Variants in SV2B observed in about 807,000 individuals in gnomAD.
The protein encoded by SV2B is solute carrier family 22 member B2.
A neutral mutation model predicts 73.9 loss-of-function variants in SV2B; 41 were observed. That is an observed-to-expected ratio of 0.56 (90% CI 0.43 to 0.72). SV2B has a LOEUF of 0.72. SV2B is among the 30% of genes least tolerant of loss of function. The probability of loss-of-function intolerance (pLI) is 0.00; values close to 1 mark genes in which losing one functional copy is unlikely to be tolerated. For synonymous variants in SV2B, 314 were observed against 314.2 expected, an observed-to-expected ratio of 1.00 and a Z score of 0.01; for missense variants, 764 against 857.8, an observed-to-expected ratio of 0.89 and a Z score of 1.37.
Position 91,284,112 on chromosome 15 carries a change from T to C in SV2B, c.1599T>C (p.Asp533=), listed in dbSNP as rs757832772. Residue 533 remains aspartate (D), a synonymous_variant, in exon 11 of 13, where the codon GAT becomes GAC. Coordinates refer to ENST00000394232, the MANE Select transcript of SV2B (RefSeq NM_001323032.3). This position sits in a 1 kb window ranked among gnomAD's most constrained non-coding sequence, Gnocchi z 4.5. ...KEGCHMDLEQ[D]NDFLIYLVSF... ...GCTGCCACATGGACTTGGAGCAAGA[T>C]AATGACTTCCTGATTTACCTCGTCA... 5 of 1,614,208 alleles carry C rather than the reference T, an allele frequency of 3.1e-6. No individual in the cohort carries two copies. Among genetic ancestry groups the C allele is most frequent in the South Asian group, 1.1e-5 (1 of 91,084 alleles).
intron 6 of SV2B, among the ~76,000 whole-genome samples, chr15:91,263,214 A>G (rs2047977231): frequency 1.5e-5 from 2 of 133,304 alleles, no homozygotes; most frequent in Admixed American, 6.9e-5. Context: ...ATGGACACAC[A>G]TGAACACAGA....
rs111298342 is a variant in SV2B at position 91,281,098 on chromosome 15, T to C, written c.1374-630T>C. On this transcript the variant is annotated intron_variant, in intron 9 of 12. Coordinates refer to ENST00000394232, the MANE Select transcript of SV2B (RefSeq NM_001323032.3). This position sits in a 1 kb window ranked among gnomAD's most constrained non-coding sequence, Gnocchi z 4.7. The stretch of plus-strand genomic sequence containing the variant: ...TAATCCATTGTTGTTACAAGCAGTG[T>C]TACAATGAAGATCAGTGAATGTATC... Among the ~76,000 whole-genome samples the C allele has an allele frequency of 1.5e-3, 225 of 152,368 alleles. 3 individuals carry two copies. Among genetic ancestry groups the C allele is most frequent in the African/African-American group, 4.9e-3 (203 of 41,590 alleles).
Position 91,268,542 on chromosome 15 carries a change from G to A in SV2B, c.1310G>A (p.Gly437Asp), listed in dbSNP as rs758463715. 60 of 1,613,858 alleles carry A rather than the reference G, an allele frequency of 3.7e-5. No homozygotes were observed. The South Asian group carries it at 6.6e-4, about 18-fold the overall frequency. ...MKVFFGEHVY[G>D]ATINFTMENQ... ...GTGTTTTTTGGTGAGCATGTGTACGGCGCCACAATCAACTTCACGATGGAA... is the reference window on the plus strand; with the variant it reads ...GTGTTTTTTGGTGAGCATGTGTACGACGCCACAATCAACTTCACGATGGAA... The change falls in exon 9 of 13, where the codon GGC becomes GAC. Residue 437 changes from glycine (G) to aspartate (D), a missense_variant. Physicochemically the swap from Gly to Asp is moderately conservative, Grantham distance 94 (BLOSUM62 -1). Coordinates refer to ENST00000394232, the MANE Select transcript of SV2B (RefSeq NM_001323032.3). The surrounding 1 kb of genome is among the most constrained non-coding windows in gnomAD (Gnocchi z 4.4).
intron 1 of SV2B, among the ~76,000 whole-genome samples, chr15:91,108,304 C>T (rs906768821): frequency 3.3e-5 from 5 of 152,178 alleles, no homozygotes; most frequent in African/African-American, 1.2e-4. Flanking sequence ...AACTAACCTC[C>T]CTTCTCTGCA....
In SV2B at chr15:91,129,500, C is replaced by T. The variant is rs555994762; in HGVS notation, c.-392+29137C>T. On this transcript the variant is annotated intron_variant, in intron 1 of 12. Transcript: ENST00000394232. This position sits in a 1 kb window ranked among gnomAD's most constrained non-coding sequence, Gnocchi z 5.1. ...TGTATGTCTTGGAAAAGCCCAGAAC[C>T]GGAGTATGGCCCTAGTGCATGGATG... is the stretch of plus-strand genomic sequence containing the variant. 7.0e-4 allele frequency among the ~76,000 whole-genome samples: 106 copies of T among 152,218 alleles called. 1 individual carries two copies. Among genetic ancestry groups the T allele is most frequent in the Middle Eastern group, 3.4e-3 (1 of 292 alleles).
At chr15:91,103,706 G>A (rs1011537887) in intron 1 of SV2B, among the ~76,000 whole-genome samples, 11 of 152,306 alleles carry the variant, frequency 7.2e-5, no homozygotes, top group South Asian at 6.2e-4. Flanking sequence ...GGGGCTGGAT[G>A]CCTGAGAACC....
In SV2B at chr15:91,214,760, T is replaced by C. The variant is rs549058692; in HGVS notation, c.-391-11113T>C. Among the ~76,000 whole-genome samples, 1 of 152,358 alleles carries C rather than the reference T, an allele frequency of 6.6e-6. No homozygotes were observed. The highest frequency in any genetic ancestry group is 2.4e-5 in the African/African-American group (1 of 41,590). On this transcript the variant is annotated intron_variant, in intron 1 of 12. Coordinates refer to ENST00000394232, the MANE Select transcript of SV2B (RefSeq NM_001323032.3). This position sits in a 1 kb window ranked among gnomAD's most constrained non-coding sequence, Gnocchi z 4.7. ...CTTCCCCATTCCACTGGCTCACTTATTTAAGTGTTCCCCAAACAGTTGTGG... is the reference window on the plus strand; with the variant it reads ...CTTCCCCATTCCACTGGCTCACTTACTTAAGTGTTCCCCAAACAGTTGTGG...
At position 91,267,596 on chromosome 15, in the gene SV2B, A is replaced by G; in HGVS notation, c.1161A>G (p.Arg387=). Residue 387 remains arginine, a synonymous_variant, in exon 8 of 13, where the codon AGA becomes AGG. Coordinates refer to ENST00000394232, the MANE Select transcript of SV2B (RefSeq NM_001323032.3). The surrounding 1 kb of genome is among the most constrained non-coding windows in gnomAD (Gnocchi z 4.3). ...NALYCVMGPY[R]MNTLILAVVW... ...TGTACTGTGTGATGGGGCCCTACAG[A>G]ATGAATACACTGATTCTGGCCGTGG... 1 of 1,613,496 alleles carries G rather than the reference A, an allele frequency of 6.2e-7. No individual in the cohort carries two copies. The highest frequency in any genetic ancestry group is 1.3e-5 in the African/African-American group (1 of 74,996).
chr15:91,208,848 G>A (rs1056433290), intron 1 of SV2B, among the ~76,000 whole-genome samples: 5 of 152,180 alleles, frequency 3.3e-5, no homozygotes, highest in African/African-American at 1.2e-4. Context: ...AAACATAACA[G>A]TGTTGGAGTT....
chr15:91,164,155 G>T (rs532652888), intron 1 of SV2B, among the ~76,000 whole-genome samples: 1 of 152,048 alleles, frequency 6.6e-6, no homozygotes, highest in African/African-American at 2.4e-5. Context: ...AATCAATATC[G>T]TGAAAATGGC....
chr15:91,263,353 GAC>G (rs2047987449), intron 6 of SV2B, among the ~76,000 whole-genome samples: 3 of 148,848 alleles, frequency 2.0e-5, no homozygotes, highest in African/African-American at 7.5e-5. Flanking sequence ...CATGAAGACA[GAC>G]ACACAGACAC....
intron 1 of SV2B, among the ~76,000 whole-genome samples, chr15:91,167,918 ACCTACCTCCTGT>A (rs1209771339): frequency 6.6e-6 from 1 of 152,162 alleles, no homozygotes; most frequent in Non-Finnish European, 1.5e-5. Flanking sequence ...ACAAGGGCTG[ACCTACCTCCTGT>A]AGGCTCTGGA....
At chr15:91,270,800 TC>T (rs1351676857) in intron 9 of SV2B, among the ~76,000 whole-genome samples, 2 of 137,518 alleles carry the variant, frequency 1.5e-5, no homozygotes, top group Non-Finnish European at 3.1e-5. Flanking sequence ...GGATGGTGAA[TC>T]CTGTGGATGA....
intron 1 of SV2B, among the ~76,000 whole-genome samples, chr15:91,199,431 C>T (rs1055876483): frequency 6.6e-6 from 1 of 152,142 alleles, no homozygotes; most frequent in Admixed American, 6.5e-5. Context: ...GCAAACAACA[C>T]GAGGTCTCCT....
chr15:91,181,807 G>A (rs1015806346), intron 1 of SV2B, among the ~76,000 whole-genome samples: 4 of 151,154 alleles, frequency 2.6e-5, no homozygotes, highest in Non-Finnish European at 5.9e-5. Flanking sequence ...TGTATTGGGG[G>A]TATTTGCAAA....
intron 1 of SV2B, among the ~76,000 whole-genome samples, chr15:91,113,123 A>G (rs2042082395): frequency 6.6e-6 from 1 of 152,198 alleles, no homozygotes; most frequent in Admixed American, 6.5e-5. Flanking sequence ...ATGAGCCACT[A>G]TGCCTGACCC....
chr15:91,155,752 G>A (rs1044095390), intron 1 of SV2B, among the ~76,000 whole-genome samples: 1 of 152,136 alleles, frequency 6.6e-6, no homozygotes, highest in African/African-American at 2.4e-5. Context: ...TAAAGAGGAA[G>A]CTTAAAATAA....
chr15:91,128,061 G>C lies in SV2B; in HGVS notation c.-392+27698G>C, dbSNP rs2042537089. Reference sequence around the variant, plus strand: ...GAGAAAAAGAGAAAAATATACCTGTGAAAGCTCTTATTATCATTGTCACGT... The same window carrying C: ...GAGAAAAAGAGAAAAATATACCTGTCAAAGCTCTTATTATCATTGTCACGT... On this transcript the variant is annotated intron_variant, in intron 1 of 12. Transcript: ENST00000394232. This position sits in a 1 kb window ranked among gnomAD's most constrained non-coding sequence, Gnocchi z 4.2. 6.6e-6 allele frequency among the ~76,000 whole-genome samples: 1 copy of C among 152,198 alleles called. No homozygotes were observed. Among genetic ancestry groups the C allele is most frequent in the Admixed American group, 6.5e-5 (1 of 15,280 alleles).
In SV2B at chr15:91,267,222, C is replaced by G. The variant is rs1460538964; in HGVS notation, c.1120-333C>G. The stretch of plus-strand genomic sequence containing the variant: ...TGGTCAGTAAATGTTTGCAATATCC[C>G]CCTTGCCCACAGGCAGGGAGTAGAA... On this transcript the variant is annotated intron_variant, in intron 7 of 12. Transcript: ENST00000394232. This position sits in a 1 kb window ranked among gnomAD's most constrained non-coding sequence, Gnocchi z 4.3. Among the ~76,000 whole-genome samples, 1 of 152,158 alleles carries G rather than the reference C, an allele frequency of 6.6e-6. No homozygotes were observed.
Sources: allele counts gnomAD v4.1 joint callset (sites outside exome capture counted in the v4.1 genomes callset), GRCh38; gene constraint gnomAD v4.1.1; non-coding constraint Gnocchi (gnomAD v3.1); transcripts MANE v1.5; gene names NCBI Gene and HGNC (gene_info 2026-07-23, HGNC 2026-07-21).